ST3GAL1: variants seen among roughly 807,000 people sequenced by gnomAD.
ST3GAL1 encodes the protein CMP-N-acetylneuraminate-beta-galactosamide-alpha-2,3-sialyltransferase 1.
A neutral mutation model predicts 34.1 loss-of-function variants in ST3GAL1; 16 were observed. That is an observed-to-expected ratio of 0.47 (90% CI 0.32 to 0.71). The LOEUF (loss-of-function observed/expected upper bound fraction) is 0.71, where lower values mean the gene tolerates loss of function less well. Among genes scored for constraint, ST3GAL1 ranks in the 30% least tolerant of loss-of-function variants. The pLI, the probability that ST3GAL1 is intolerant of heterozygous loss-of-function variation, is 0.04. For synonymous variants in ST3GAL1, 191 were observed against 184.7 expected, an observed-to-expected ratio of 1.03 and a Z score of -0.28; for missense variants, 353 against 447.4, an observed-to-expected ratio of 0.79 and a Z score of 1.90.
At chr8:133,496,120 C>T (rs1816938868) in intron 3 of ST3GAL1, among the ~76,000 whole-genome samples, 1 of 152,192 alleles carries the variant, frequency 6.6e-6, no homozygotes, top group Non-Finnish European at 1.5e-5. Flanking sequence ...CCGAGTCACA[C>T]AGCGCAGGAG....
intron 2 of ST3GAL1, among the ~76,000 whole-genome samples, chr8:133,530,363 CCT>C (rs1465326006): frequency 6.6e-6 from 1 of 151,712 alleles, no homozygotes; most frequent in African/African-American, 2.4e-5. Flanking sequence ...CTCACTGCAA[CCT>C]CTGTCTCCCA....
chr8:133,496,156 C>G (rs964968252), intron 3 of ST3GAL1, among the ~76,000 whole-genome samples: 1 of 152,150 alleles, frequency 6.6e-6, no homozygotes, highest in Non-Finnish European at 1.5e-5. Flanking sequence ...TTAAGAGAAC[C>G]CTTCAGGAGC....
In ST3GAL1 at chr8:133,464,767, G is replaced by A. The variant is rs1192136788; in HGVS notation, c.683+11C>T. 6.2e-7 allele frequency: 1 copy of A among 1,609,484 alleles called. No individual in the cohort carries two copies. Among genetic ancestry groups the A allele is most frequent in the African/African-American group, 1.3e-5 (1 of 74,844 alleles). On this transcript the variant is annotated intron_variant, in intron 7 of 9. Coordinates refer to ENST00000522652, the MANE Select transcript of ST3GAL1 (RefSeq NM_173344.3). ...GCAGAGCAGCGAGGCGGGGCCACAG[G>A]AGGGACTCACTGGGAAATGGTGCCC...
chr8:133,475,938 G>T lies in ST3GAL1; in HGVS notation c.87C>A (p.Ser29=). The T allele has an allele frequency of 6.2e-7, 1 of 1,614,002 alleles. No homozygotes were observed. Residue 29 remains serine, a synonymous_variant, in exon 5 of 10, where the codon TCC becomes TCA. Coordinates refer to ENST00000522652, the MANE Select transcript of ST3GAL1 (RefSeq NM_173344.3). ...IFLTSFFLNY[S]HTMVATTWFP... is the part of the protein sequence containing the mutation. Reference sequence around the variant, plus strand: ...ACCAGGTGGTGGCCACCATGGTGTGGGAGTAGTTCAGGAAGAAGGAGGTGA... The same window carrying T: ...ACCAGGTGGTGGCCACCATGGTGTGTGAGTAGTTCAGGAAGAAGGAGGTGA...
chr8:133,525,399 G>A lies in ST3GAL1; in HGVS notation c.-429+20375C>T, dbSNP rs150713812. Among the ~76,000 whole-genome samples the A allele has an allele frequency of 1.8e-4, 28 of 152,304 alleles. No individual in the cohort carries two copies. The Middle Eastern group carries it at 0.02, about 111-fold the overall frequency. On this transcript the variant is annotated intron_variant, in intron 2 of 9. Coordinates refer to ENST00000522652, the MANE Select transcript of ST3GAL1 (RefSeq NM_173344.3). ...GAAGGGAGGAAGTGTGTGCTGATTG[G>A]TCCATGGATGGCCATGGATGGGCTT...
intron 7 of ST3GAL1, 74 bp downstream of exon 7, chr8:133,464,704 C>A: frequency 6.6e-7 from 1 of 1,522,674 alleles, no homozygotes; most frequent in Non-Finnish European, 8.9e-7. Context: ...CACAGCAGGA[C>A]CACGGCAGGG....
intron 6 of ST3GAL1, chr8:133,465,625 C>T: frequency 2.6e-6 from 1 of 377,480 alleles, no homozygotes; most frequent in Non-Finnish European, 4.7e-6. Flanking sequence ...CCCCAGGCCT[C>T]CATGTGCCAA....
rs116496759 is a variant in ST3GAL1 at position 133,508,984 on chromosome 8, C to A, written c.-428-9795G>T. On this transcript the variant is annotated intron_variant, in intron 2 of 9. Transcript: ENST00000522652. This position sits in a 1 kb window ranked among gnomAD's most constrained non-coding sequence, Gnocchi z 4.1. ...GCTCCTGTCTTCTGCCAGCATCTGT[C>A]AGCAGGCTAATTTGTCAGCTTGCAA... Among the ~76,000 whole-genome samples the A allele has an allele frequency of 6.9e-3, 1,055 of 152,236 alleles. 18 individuals are homozygous for A. Among genetic ancestry groups the A allele is most frequent in the African/African-American group, 0.024 (1,009 of 41,540 alleles).
chr8:133,517,588 GA>G (rs1225580503), intron 2 of ST3GAL1, among the ~76,000 whole-genome samples: 2 of 152,212 alleles, frequency 1.3e-5, no homozygotes, highest in Non-Finnish European at 2.9e-5. Context: ...GACCTCAAGT[GA>G]TCTGCCTGCT....
At chr8:133,490,885 T>A (rs763476106) in intron 3 of ST3GAL1, among the ~76,000 whole-genome samples, 5 of 152,170 alleles carry the variant, frequency 3.3e-5, no homozygotes, top group East Asian at 1.9e-4. Flanking sequence ...CCGGTCTCCA[T>A]GAGCATGACT....
At chr8:133,491,821 G>A (rs1226608642) in intron 3 of ST3GAL1, among the ~76,000 whole-genome samples, 4 of 152,136 alleles carry the variant, frequency 2.6e-5, no homozygotes, top group East Asian at 3.9e-4. Context: ...GGGGTGTCAC[G>A]GTGTCCAGTT....
chr8:133,465,754 G>T, intron 6 of ST3GAL1, 140 bp downstream of exon 6: 1 of 862,128 alleles, frequency 1.2e-6, no homozygotes, highest in East Asian at 2.5e-5. Context: ...AGGGGGTGCA[G>T]TGTGGAGCCT....
chr8:133,505,594 CTTTCT>C (rs199729934), intron 2 of ST3GAL1, among the ~76,000 whole-genome samples: 3,470 of 148,356 alleles, frequency 0.023, 124 homozygotes, highest in African/African-American at 0.083. Flanking sequence ...TATTTCTTTT[CTTTCT>C]TTTCTTTTCT....
intron 3 of ST3GAL1, among the ~76,000 whole-genome samples, chr8:133,481,865 G>A (rs1349111177): frequency 2.0e-5 from 3 of 151,864 alleles, no homozygotes; most frequent in Admixed American, 6.6e-5. Context: ...TTAAGTGCTG[G>A]CAAATGCCTT....
chr8:133,478,067 T>C (rs771635092), intron 3 of ST3GAL1, among the ~76,000 whole-genome samples: 1 of 152,198 alleles, frequency 6.6e-6, no homozygotes, highest in Middle Eastern at 3.2e-3. Context: ...GTTGGCAACG[T>C]CATTTTTATC....
chr8:133,561,744 G>C, intron 1 of ST3GAL1, among the ~76,000 whole-genome samples: 1 of 152,112 alleles, frequency 6.6e-6, no homozygotes, highest in Admixed American at 6.6e-5. Flanking sequence ...AAGCGAGGTA[G>C]CTCTACCAGG....
At position 133,556,520 on chromosome 8, in the gene ST3GAL1, G is replaced by A. The variant is rs186749396; in HGVS notation, c.-581-10594C>T. Among the ~76,000 whole-genome samples, 13 of 152,330 alleles carry A rather than the reference G, an allele frequency of 8.5e-5. No individual in the cohort carries two copies. The highest frequency in any genetic ancestry group is 2.0e-4 in the Admixed American group (3 of 15,298). On this transcript the variant is annotated intron_variant, in intron 1 of 9. Transcript: ENST00000522652. The surrounding 1 kb of genome is among the most constrained non-coding windows in gnomAD (Gnocchi z 8.9). ...AGTCACGTTCCTTTCTCAGATCTGG[G>A]AGGAATTGTGAAACATGGACCTGTT... is the stretch of plus-strand genomic sequence containing the variant.
chr8:133,497,455 A>ATTTTTTTTTTTT lies in ST3GAL1; in HGVS notation c.-374+1679_-374+1680insAAAAAAAAAAAA, dbSNP rs1816988627. Among the ~76,000 whole-genome samples the ATTTTTTTTTTTT allele has an allele frequency of 1.9e-4, 19 of 101,242 alleles. 9 individuals are homozygous for ATTTTTTTTTTTT. Among genetic ancestry groups the ATTTTTTTTTTTT allele is most frequent in the African/African-American group, 2.3e-4 (6 of 26,532 alleles). The allele number at this position is 101,242 out of a possible 152,430, so 66.4% of individuals were successfully genotyped here. A position where few individuals can be genotyped will look rare whatever the true frequency, so the allele number is the denominator to read the frequency against. ...CTTCTCTCCCATGCAATTTTGTTGG[A>ATTTTTTTTTTTT]ATTTTTTTTTTTTTTTTTTTTTTTT... is the stretch of plus-strand genomic sequence containing the variant. On this transcript the variant is annotated intron_variant, in intron 3 of 9. Transcript: ENST00000522652.
At chr8:133,460,050 C>G (rs1815439301) in intron 9 of ST3GAL1, 113 bp from the exon 10 acceptor site, 2 of 1,173,792 alleles carry the variant, frequency 1.7e-6, no homozygotes, top group African/African-American at 3.1e-5. Flanking sequence ...ACAGCATTTC[C>G]AAGGACTCTG....
Sources: allele counts gnomAD v4.1 joint callset (sites outside exome capture counted in the v4.1 genomes callset), GRCh38; gene constraint gnomAD v4.1.1; non-coding constraint Gnocchi (gnomAD v3.1); transcripts MANE v1.5; gene names NCBI Gene and HGNC (gene_info 2026-07-23, HGNC 2026-07-21).